The following LRRC1 variants were observed in gnomAD, a reference collection of about 807,000 sequenced individuals.
LRRC1 encodes leucine-rich repeat-containing protein 1.
LRRC1 carries 28 observed loss-of-function variants against 69.9 expected under a neutral mutation model. The observed-to-expected ratio is 0.40, with a 90% confidence interval of 0.30 to 0.55. LRRC1 has a LOEUF of 0.55. Among genes scored for constraint, LRRC1 ranks in the 20% least tolerant of loss-of-function variants. LRRC1 has a pLI of 0.47. For synonymous variants in LRRC1, 236 were observed against 240.2 expected (o/e 0.98, Z 0.16); for missense variants, 498 against 609.0 (o/e 0.82, Z 1.92).
Position 53,904,374 on chromosome 6 carries a change from A to G in LRRC1, c.907-5A>G. 1 of 1,589,920 alleles carries G rather than the reference A, an allele frequency of 6.3e-7. No homozygotes were observed. Among genetic ancestry groups the G allele is most frequent in the Non-Finnish European group, 8.6e-7 (1 of 1,163,826 alleles). On this transcript the variant is annotated splice_region_variant and splice_polypyrimidine_tract_variant and intron_variant, in intron 9 of 13. Transcript: ENST00000370888. ...AAATTAATAGTGAAATTGTTATTTTAACAGACCCTGCCTAAAAGCATTGGA... is the reference window on the plus strand; with the variant it reads ...AAATTAATAGTGAAATTGTTATTTTGACAGACCCTGCCTAAAAGCATTGGA...
chr6:53,887,162 A>G (rs983174459), intron 4 of LRRC1, among the ~76,000 whole-genome samples: 3 of 152,146 alleles, frequency 2.0e-5, no homozygotes, highest in Non-Finnish European at 4.4e-5. Flanking sequence ...CAATTTCTAG[A>G]AAAAGTTGTT....
chr6:53,826,195 G>A (rs1765251750), intron 1 of LRRC1, among the ~76,000 whole-genome samples: 1 of 75,772 alleles, frequency 1.3e-5, no homozygotes, highest in South Asian at 5.8e-4. Flanking sequence ...CCACATATCT[G>A]CCTTTTTTTT....
chr6:53,910,182 A>G (rs1278262744), intron 10 of LRRC1, among the ~76,000 whole-genome samples: 1 of 152,198 alleles, frequency 6.6e-6, no homozygotes, highest in East Asian at 1.9e-4. Flanking sequence ...ATTCTCAGCT[A>G]TATTCCATAA....
At chr6:53,894,566 T>TA (rs1767805994) in intron 4 of LRRC1, among the ~76,000 whole-genome samples, 1 of 152,238 alleles carries the variant, frequency 6.6e-6, no homozygotes, top group Non-Finnish European at 1.5e-5. Flanking sequence ...ACCGAAGAGA[T>TA]AAAATGACAA....
intron 2 of LRRC1, among the ~76,000 whole-genome samples, chr6:53,866,372 G>A (rs1766703330): frequency 6.6e-6 from 1 of 152,152 alleles, no homozygotes; most frequent in Non-Finnish European, 1.5e-5. Context: ...GCTGGCTGTG[G>A]AGTCAGTCTT....
chr6:53,856,966 A>G (rs185329756), intron 2 of LRRC1, among the ~76,000 whole-genome samples: 27 of 152,268 alleles, frequency 1.8e-4, no homozygotes, highest in Non-Finnish European at 1.8e-4. Context: ...ATAAGTTCCC[A>G]CTTCCCACCA....
chr6:53,918,228 C>T (rs1465688404), intron 11 of LRRC1, among the ~76,000 whole-genome samples: 3 of 152,216 alleles, frequency 2.0e-5, no homozygotes, highest in African/African-American at 7.2e-5. Context: ...GATGCACTGG[C>T]TTAAGAACCT....
intron 2 of LRRC1, among the ~76,000 whole-genome samples, chr6:53,864,814 C>T (rs752803017): frequency 2.0e-5 from 3 of 152,124 alleles, no homozygotes; most frequent in Non-Finnish European, 4.4e-5. Context: ...GCTGTTTCTC[C>T]CAGTGCCTAG....
chr6:53,796,890 T>C (rs1764319216), intron 1 of LRRC1, among the ~76,000 whole-genome samples: 1 of 152,158 alleles, frequency 6.6e-6, no homozygotes, highest in Non-Finnish European at 1.5e-5. Context: ...CCTCACTGCT[T>C]TAAGTTGTGT....
chr6:53,886,269 G>A (rs1767475049), intron 4 of LRRC1, among the ~76,000 whole-genome samples: 1 of 152,084 alleles, frequency 6.6e-6, no homozygotes, highest in Non-Finnish European at 1.5e-5. Flanking sequence ...AGTTACTGTG[G>A]CATATTTCTG....
At position 53,899,894 on chromosome 6, in the gene LRRC1, A is replaced by G. The variant is rs374111171; in HGVS notation, c.787+3A>G. The G allele has an allele frequency of 6.2e-6, 10 of 1,613,504 alleles. No individual in the cohort carries two copies. The highest frequency in any genetic ancestry group is 1.3e-5 in the African/African-American group (1 of 74,910). On this transcript the variant is annotated splice_donor_region_variant and intron_variant, in intron 8 of 13. Transcript: ENST00000370888. ...AGAAACGATTCCGGATGGCATTGGT[A>G]AGCATTGGAAATCACTAACTGCTAA...
chr6:53,809,091 G>A lies in LRRC1; in HGVS notation c.159+13676G>A, dbSNP rs73430224. On this transcript the variant is annotated intron_variant, in intron 1 of 13. Transcript: ENST00000370888. ...TAGGAAGCTCTCTGAACAGCAATGA[G>A]CATTTGTTTTCTCATAGCAGCACTC... Among the ~76,000 whole-genome samples the A allele has an allele frequency of 3.6e-3, 550 of 152,254 alleles. 4 individuals carry two copies. The highest frequency in any genetic ancestry group is 0.013 in the African/African-American group (532 of 41,532).
chr6:53,868,760 T>C (rs906510269), intron 2 of LRRC1, among the ~76,000 whole-genome samples: 5 of 152,190 alleles, frequency 3.3e-5, no homozygotes, highest in African/African-American at 1.2e-4. Context: ...CAAGAGATCT[T>C]TCCAGCCTTC....
In LRRC1 at chr6:53,844,273, C is replaced by T. The variant is rs144495331; in HGVS notation, c.277+2046C>T. ...AAGCAGTGACTTTGTAAAATGGTCACGAAAGTCACAAAATCTGAAGAAATA... is the reference window on the plus strand; with the variant it reads ...AAGCAGTGACTTTGTAAAATGGTCATGAAAGTCACAAAATCTGAAGAAATA... On this transcript the variant is annotated intron_variant, in intron 2 of 13. Transcript: ENST00000370888. Among the ~76,000 whole-genome samples, 426 of 152,134 alleles carry T rather than the reference C, an allele frequency of 2.8e-3. 3 individuals are homozygous for T. Among genetic ancestry groups the T allele is most frequent in the African/African-American group, 9.6e-3 (398 of 41,490 alleles).
At chr6:53,880,175 C>T (rs1767240382) in intron 3 of LRRC1, among the ~76,000 whole-genome samples, 1 of 152,122 alleles carries the variant, frequency 6.6e-6, no homozygotes, top group African/African-American at 2.4e-5. Context: ...CCAATACCTT[C>T]TTATTGCCAA....
intron 1 of LRRC1, among the ~76,000 whole-genome samples, chr6:53,829,846 T>C (rs1399023269): frequency 1.3e-5 from 2 of 152,174 alleles, no homozygotes; most frequent in East Asian, 1.9e-4. Context: ...ATGCTGTTGC[T>C]CTTACACTTT....
At chr6:53,898,675 C>A (rs1426341064) in intron 7 of LRRC1, among the ~76,000 whole-genome samples, 2 of 152,032 alleles carry the variant, frequency 1.3e-5, no homozygotes, top group African/African-American at 4.8e-5. Flanking sequence ...GAGAAAGATA[C>A]AAAGGCATTG....
chr6:53,818,643 G>A (rs1348846432), intron 1 of LRRC1, among the ~76,000 whole-genome samples: 2 of 152,176 alleles, frequency 1.3e-5, no homozygotes, highest in Admixed American at 1.3e-4. Flanking sequence ...GGATGTTTAT[G>A]TATAATGGTA....
chr6:53,860,145 A>T (rs976363917), intron 2 of LRRC1, among the ~76,000 whole-genome samples: 5 of 152,222 alleles, frequency 3.3e-5, no homozygotes, highest in African/African-American at 9.6e-5. Context: ...TATATATTTT[A>T]TTCTGATTCT....
Sources: gnomAD v4.1 joint callset for allele counts (sites outside exome capture counted in the v4.1 genomes callset) on GRCh38, gnomAD v4.1.1 for gene constraint, MANE v1.5 for transcripts, NCBI Gene and HGNC (gene_info 2026-07-23, HGNC 2026-07-21) for gene names.